The following RETREG1 variants were observed in gnomAD, a reference collection of about 807,000 sequenced individuals.
The protein encoded by RETREG1 is family with sequence similarity 134 member B.
Under a neutral mutation model 54.8 loss-of-function variants are expected in RETREG1, and 44 were observed. The observed-to-expected ratio is 0.80, with a 90% CI of 0.63 to 1.03. The LOEUF (loss-of-function observed/expected upper bound fraction) is 1.03, where lower values mean the gene tolerates loss of function less well. RETREG1 is among the 50% of genes least tolerant of loss of function. The pLI is 0.00. For missense variants in RETREG1, 554 were observed against 605.1 expected (o/e 0.92, Z 0.89); for synonymous variants, 217 against 238.5 (o/e 0.91, Z 0.83).
intron 3 of RETREG1, chr5:16,509,391 C>T (rs56398604): frequency 0.12 from 18,891 of 152,170 alleles, 1,402 homozygotes; most frequent in African/African-American, 0.21. Context: ...CTGGGCAAAA[C>T]GCTTTCTCCC....
intron 3 of RETREG1, among the ~76,000 whole-genome samples, chr5:16,503,898 T>C (rs1739834233): frequency 1.3e-5 from 2 of 152,038 alleles, no homozygotes; most frequent in South Asian, 2.1e-4. Context: ...TTTTTTTTCA[T>C]TTTAATTTTT....
At chr5:16,499,663 T>A (rs953827187) in intron 3 of RETREG1, among the ~76,000 whole-genome samples, 3 of 152,356 alleles carry the variant, frequency 2.0e-5, no homozygotes, top group African/African-American at 7.2e-5. Flanking sequence ...CCATTCCTGA[T>A]GGTAATTACC....
At chr5:16,494,772 C>A (rs934172100) in intron 3 of RETREG1, among the ~76,000 whole-genome samples, 1 of 152,078 alleles carries the variant, frequency 6.6e-6, no homozygotes, top group African/African-American at 2.4e-5. Context: ...AAAATTGGTA[C>A]TGAAGAGTGG....
At chr5:16,559,510 G>A (rs373875854) in intron 3 of RETREG1, among the ~76,000 whole-genome samples, 3 of 152,282 alleles carry the variant, frequency 2.0e-5, no homozygotes, top group African/African-American at 4.8e-5. Flanking sequence ...CAGAAAATCC[G>A]ATAGCTCTCA....
intron 3 of RETREG1, among the ~76,000 whole-genome samples, chr5:16,522,568 A>T (rs1740568869): frequency 6.6e-6 from 1 of 152,210 alleles, no homozygotes; most frequent in Non-Finnish European, 1.5e-5. Context: ...CTGAGAAGAG[A>T]AACTGGATCC....
At chr5:16,611,586 C>G (rs1743343551) in intron 1 of RETREG1, among the ~76,000 whole-genome samples, 1 of 152,240 alleles carries the variant, frequency 6.6e-6, no homozygotes, top group Non-Finnish European at 1.5e-5. Flanking sequence ...CAAAAACAGA[C>G]ACTTCACACA....
intron 3 of RETREG1, among the ~76,000 whole-genome samples, chr5:16,548,106 T>C (rs1168628880): frequency 3.3e-5 from 5 of 152,138 alleles, no homozygotes; most frequent in Non-Finnish European, 5.9e-5. Context: ...CTCTATGAAA[T>C]AAAGAATTCC....
rs149900256 is a variant in RETREG1, at chr5:16,572,469, TC to T, written c.321-368del. The stretch of plus-strand genomic sequence containing the variant: ...CTCAAGCGATCCACCCACCTCGGCC[TC>T]CCAAAGTGCTAGGATTACAGGCGTG... On this transcript the variant is annotated intron_variant, in intron 1 of 8. Coordinates refer to ENST00000306320, the MANE Select transcript of RETREG1 (RefSeq NM_001034850.3). Among the ~76,000 whole-genome samples the T allele has an allele frequency of 8.6e-3, 1,313 of 152,248 alleles. 12 individuals carry two copies. The highest frequency in any genetic ancestry group is 0.029 in the African/African-American group (1,225 of 41,550).
chr5:16,537,871 T>C (rs73045930), intron 3 of RETREG1, among the ~76,000 whole-genome samples: 2,526 of 152,234 alleles, frequency 0.017, 62 homozygotes, highest in African/African-American at 0.057. Flanking sequence ...AGTCTCACCC[T>C]GCATGCAGGG....
At chr5:16,587,227 G>A (rs904083812) in intron 1 of RETREG1, among the ~76,000 whole-genome samples, 3 of 152,168 alleles carry the variant, frequency 2.0e-5, no homozygotes, top group African/African-American at 7.2e-5. Context: ...TCCTAGGCAT[G>A]CCCACTACAG....
chr5:16,494,538 C>T (rs568883548), intron 3 of RETREG1, among the ~76,000 whole-genome samples: 1 of 152,086 alleles, frequency 6.6e-6, no homozygotes, highest in Non-Finnish European at 1.5e-5. Flanking sequence ...CGTGTGGCAC[C>T]GCCCCCCTGC....
intron 3 of RETREG1, among the ~76,000 whole-genome samples, chr5:16,539,549 T>A (rs541128011): frequency 6.6e-6 from 1 of 152,188 alleles, no homozygotes; most frequent in African/African-American, 2.4e-5. Flanking sequence ...CCCAGCCTCA[T>A]CTCCTCCTGC....
chr5:16,609,286 T>G (rs915261520), intron 1 of RETREG1, among the ~76,000 whole-genome samples: 14 of 152,232 alleles, frequency 9.2e-5, no homozygotes, highest in African/African-American at 2.9e-4. Flanking sequence ...ACTGGGTTCC[T>G]GCAAGGTTTA....
chr5:16,595,548 A>G (rs1742877540), intron 1 of RETREG1, among the ~76,000 whole-genome samples: 1 of 152,210 alleles, frequency 6.6e-6, no homozygotes, highest in Non-Finnish European at 1.5e-5. Context: ...TAGTAAATGC[A>G]TTTTCAACTG....
intron 1 of RETREG1, among the ~76,000 whole-genome samples, chr5:16,579,441 G>C (rs1742424720): frequency 6.6e-6 from 1 of 152,222 alleles, no homozygotes; most frequent in African/African-American, 2.4e-5. Context: ...CACATGAAAA[G>C]AGCTGGAAGG....
chr5:16,523,035 T>TAGAG (rs149898762), intron 3 of RETREG1, among the ~76,000 whole-genome samples: 1 of 145,644 alleles, frequency 6.9e-6, no homozygotes, highest in African/African-American at 2.5e-5. Context: ...AAGAAAGAGA[T>TAGAG]AGAGAGAGAG....
chr5:16,540,996 C>T (rs1164130415), intron 3 of RETREG1, among the ~76,000 whole-genome samples: 1 of 152,206 alleles, frequency 6.6e-6, no homozygotes, highest in Non-Finnish European at 1.5e-5. Flanking sequence ...CATCACTATG[C>T]TTGAGATTCC....
chr5:16,527,540 A>C (rs1184894560), intron 3 of RETREG1, among the ~76,000 whole-genome samples: 2 of 152,160 alleles, frequency 1.3e-5, no homozygotes, highest in Non-Finnish European at 1.5e-5. Flanking sequence ...AGCATTTTAG[A>C]TGTCATAGAA....
At chr5:16,610,832 G>A (rs978375397) in intron 1 of RETREG1, among the ~76,000 whole-genome samples, 2 of 152,170 alleles carry the variant, frequency 1.3e-5, no homozygotes, top group African/African-American at 4.8e-5. Flanking sequence ...TTCAACCATT[G>A]TGGAAGTCAG....
Sources: gnomAD v4.1 joint callset for allele counts (sites outside exome capture counted in the v4.1 genomes callset) on GRCh38, gnomAD v4.1.1 for gene constraint, MANE v1.5 for transcripts, NCBI Gene and HGNC (gene_info 2026-07-23, HGNC 2026-07-21) for gene names.